Variants in VASH2 observed in about 807,000 individuals in gnomAD.
VASH2 encodes the protein vasohibin 2.
VASH2 carries 28 observed loss-of-function variants against 37.2 expected under a neutral mutation model. The observed-to-expected ratio is 0.75, with a 90% CI of 0.56 to 1.03. The LOEUF is 1.03. VASH2 is among the 50% of genes least tolerant of loss of function. The probability of loss-of-function intolerance (pLI) is 0.00; values close to 1 mark genes in which losing one functional copy is unlikely to be tolerated. For synonymous variants in VASH2, 188 were observed against 174.7 expected, an observed-to-expected ratio of 1.08 and a Z score of -0.60; for missense variants, 419 against 459.1, an observed-to-expected ratio of 0.91 and a Z score of 0.80.
Position 212,951,995 on chromosome 1 carries a change from A to G in VASH2, c.276+177A>G, listed in dbSNP as rs1572053299. 6.6e-6 allele frequency among the ~76,000 whole-genome samples: 1 copy of G among 152,136 alleles called. No homozygotes were observed. Among genetic ancestry groups the G allele is most frequent in the African/African-American group, 2.4e-5 (1 of 41,414 alleles). The stretch of plus-strand genomic sequence containing the variant: ...TTTCTAATTGAGATATTTAGATTGG[A>G]AGCCTAAGAAATGGGGAAGGGAGAG... On this transcript the variant is annotated intron_variant, in intron 2 of 7. Coordinates refer to ENST00000517399, the MANE Select transcript of VASH2 (RefSeq NM_001301056.2). The surrounding 1 kb of genome is among the most constrained non-coding windows in gnomAD (Gnocchi z 4.4).
intron 7 of VASH2, among the ~76,000 whole-genome samples, chr1:212,984,799 G>A (rs1054800287): frequency 1.3e-5 from 2 of 152,178 alleles, no homozygotes; most frequent in African/African-American, 4.8e-5. Flanking sequence ...CATGGCTTAG[G>A]TCCTACATAG....
intron 2 of VASH2, among the ~76,000 whole-genome samples, chr1:212,955,475 G>C (rs985348424): frequency 6.6e-6 from 1 of 152,214 alleles, no homozygotes; most frequent in Non-Finnish European, 1.5e-5. Flanking sequence ...TAAGGAAACA[G>C]CAAGAGTCAG....
chr1:212,969,703 C>T (rs961463366), intron 5 of VASH2, among the ~76,000 whole-genome samples: 1 of 152,212 alleles, frequency 6.6e-6, no homozygotes, highest in Admixed American at 6.5e-5. Flanking sequence ...TCTGTCTTTT[C>T]TCTTTGCTTT....
intron 3 of VASH2, among the ~76,000 whole-genome samples, 166 bp from the exon 4 acceptor site, chr1:212,965,556 A>G (rs1666815744): frequency 6.6e-6 from 1 of 152,126 alleles, no homozygotes; most frequent in South Asian, 2.1e-4. Context: ...CCAGGGCAGG[A>G]TAGTGAGGAG....
chr1:212,975,223 A>AAGAAC (rs142449069), intron 7 of VASH2, among the ~76,000 whole-genome samples: 1,685 of 152,250 alleles, frequency 0.011, 39 homozygotes, highest in African/African-American at 0.037. Flanking sequence ...CTGTTTTCGG[A>AAGAAC]AGAACAGGAC....
intron 7 of VASH2, among the ~76,000 whole-genome samples, 176 bp downstream of exon 7, chr1:212,974,246 C>T (rs1232531000): frequency 6.6e-6 from 1 of 152,180 alleles, no homozygotes; most frequent in Non-Finnish European, 1.5e-5. Flanking sequence ...CTGGGCACAT[C>T]ACCCCATTGC....
At chr1:212,985,694 G>A (rs1478899914) in intron 7 of VASH2, among the ~76,000 whole-genome samples, 1 of 152,142 alleles carries the variant, frequency 6.6e-6, no homozygotes, top group Non-Finnish European at 1.5e-5. Flanking sequence ...TTGGATTACA[G>A]GCCTAAGCCA....
intron 6 of VASH2, chr1:212,973,606 A>G: frequency 8.1e-7 from 1 of 1,237,044 alleles, no homozygotes; most frequent in Non-Finnish European, 1.0e-6. Flanking sequence ...TTTCTGAGGC[A>G]ATAGAGATGG....
Position 212,951,851 on chromosome 1 carries a change from G to C in VASH2, c.276+33G>C, listed in dbSNP as rs376354871. The C allele has an allele frequency of 1.4e-4, 225 of 1,581,206 alleles. No individual in the cohort carries two copies. The East Asian group carries it at 3.9e-3, about 28-fold the overall frequency. ...GCTTCCAGGGCGGAGTTGGGGGGCTGGGGGTAGGTAGGCAGCGATGGGACC... is the reference window on the plus strand; with the variant it reads ...GCTTCCAGGGCGGAGTTGGGGGGCTCGGGGTAGGTAGGCAGCGATGGGACC... On this transcript the variant is annotated intron_variant, in intron 2 of 7. Coordinates refer to ENST00000517399, the MANE Select transcript of VASH2 (RefSeq NM_001301056.2). This position sits in a 1 kb window ranked among gnomAD's most constrained non-coding sequence, Gnocchi z 4.4.
chr1:212,955,781 C>G (rs542247363), intron 2 of VASH2, among the ~76,000 whole-genome samples: 2 of 152,328 alleles, frequency 1.3e-5, no homozygotes, highest in East Asian at 3.9e-4. Context: ...TACTAGAGAC[C>G]TGGCTGCAGT....
At chr1:212,958,768 C>A (rs141752679) in intron 2 of VASH2, among the ~76,000 whole-genome samples, 3 of 152,172 alleles carry the variant, frequency 2.0e-5, no homozygotes, top group East Asian at 3.9e-4. Context: ...AGCTGGAGTG[C>A]GGTGGCCCAT....
intron 7 of VASH2, among the ~76,000 whole-genome samples, chr1:212,974,296 G>T (rs765980237): frequency 1.2e-4 from 19 of 152,172 alleles, no homozygotes; most frequent in Admixed American, 1.3e-4. Flanking sequence ...GGAGGGATAA[G>T]CCCCAGGCAG....
rs756768360 is a variant in VASH2 at position 212,972,817 on chromosome 1, G to A, written c.735G>A (p.Lys245=). The change falls in exon 6 of 8, where the codon AAG becomes AAA. Residue 245 remains lysine (K), a synonymous_variant. Transcript: ENST00000517399. ...SYKKYLHTVK[K]VKIGLYVPHE... Reference sequence around the variant, plus strand: ...AGAAATACCTGCACACAGTCAAGAAGGTCAAGATTGGGCTGTACGTCCCCC... The same window carrying A: ...AGAAATACCTGCACACAGTCAAGAAAGTCAAGATTGGGCTGTACGTCCCCC... The A allele has an allele frequency of 1.2e-6, 2 of 1,614,210 alleles. No individual in the cohort carries two copies. Among genetic ancestry groups the A allele is most frequent in the Non-Finnish European group, 1.7e-6 (2 of 1,180,042 alleles).
At chr1:212,984,550 T>C (rs1197155110) in intron 7 of VASH2, among the ~76,000 whole-genome samples, 6 of 152,190 alleles carry the variant, frequency 3.9e-5, no homozygotes, top group African/African-American at 1.4e-4. Flanking sequence ...GAAAATACTG[T>C]GAAGCTAGTG....
At chr1:212,963,550 C>T (rs577519267) in intron 3 of VASH2, among the ~76,000 whole-genome samples, 5 of 139,130 alleles carry the variant, frequency 3.6e-5, no homozygotes, top group South Asian at 2.3e-4. Flanking sequence ...CAGACATCCT[C>T]GGCAGCAACC....
intron 7 of VASH2, among the ~76,000 whole-genome samples, chr1:212,987,537 G>C (rs910624891): frequency 6.6e-6 from 1 of 152,170 alleles, no homozygotes; most frequent in Non-Finnish European, 1.5e-5. Flanking sequence ...TTGTGCCACG[G>C]CACTCTAGCC....
At chr1:212,956,415 T>C (rs1020525165) in intron 2 of VASH2, among the ~76,000 whole-genome samples, 2 of 152,186 alleles carry the variant, frequency 1.3e-5, no homozygotes, top group East Asian at 3.8e-4. Context: ...ATCTGTTTCC[T>C]CTAGATTGTG....
Position 212,951,864 on chromosome 1 carries a change from C to A in VASH2, c.276+46C>A, listed in dbSNP as rs1352817966. 4 of 1,566,570 alleles carry A rather than the reference C, an allele frequency of 2.6e-6. No homozygotes were observed. Among genetic ancestry groups the A allele is most frequent in the East Asian group, 2.3e-5 (1 of 44,044 alleles). ...AGTTGGGGGGCTGGGGGTAGGTAGG[C>A]AGCGATGGGACCGTTTCAGCCTATA... On this transcript the variant is annotated intron_variant, in intron 2 of 7. Coordinates refer to ENST00000517399, the MANE Select transcript of VASH2 (RefSeq NM_001301056.2). The surrounding 1 kb of genome is among the most constrained non-coding windows in gnomAD (Gnocchi z 4.4).
At chr1:212,959,967 CG>C (rs1666622396) in intron 2 of VASH2, among the ~76,000 whole-genome samples, 1 of 152,320 alleles carries the variant, frequency 6.6e-6, no homozygotes, top group African/African-American at 2.4e-5. Context: ...GCCCCACCCA[CG>C]TGGGCTGAGA....
Sources: gnomAD v4.1 joint callset for allele counts (sites outside exome capture counted in the v4.1 genomes callset) on GRCh38, gnomAD v4.1.1 for gene constraint, Gnocchi (gnomAD v3.1) non-coding constraint, MANE v1.5 for transcripts, NCBI Gene and HGNC (gene_info 2026-07-23, HGNC 2026-07-21) for gene names.